Variants in GRAMD2B observed in about 807,000 individuals in gnomAD.
GRAMD2B encodes GRAM domain-containing protein 2B.
Under a neutral mutation model 59.2 loss-of-function variants are expected in GRAMD2B, and 41 were observed. The ratio of observed to expected loss-of-function variants is 0.69; its 90% CI spans 0.54 to 0.90. The LOEUF is 0.90. Ranked by LOEUF, GRAMD2B falls within the 40% of genes least tolerant of loss-of-function variation. The pLI is 0.00. For synonymous variants in GRAMD2B, 161 were observed against 182.7 expected, an observed-to-expected ratio of 0.88 and a Z score of 0.96; for missense variants, 424 against 500.5, an observed-to-expected ratio of 0.85 and a Z score of 1.46.
intron 2 of GRAMD2B, among the ~76,000 whole-genome samples, chr5:126,468,934 T>C (rs1264684828): frequency 6.6e-6 from 1 of 152,200 alleles, no homozygotes; most frequent in Non-Finnish European, 1.5e-5. Flanking sequence ...GCCTTAAGGA[T>C]ACAAACTGTG....
At chr5:126,426,956 T>C (rs1390155284) in intron 1 of GRAMD2B, among the ~76,000 whole-genome samples, 1 of 152,228 alleles carries the variant, frequency 6.6e-6, no homozygotes, top group Non-Finnish European at 1.5e-5. Flanking sequence ...ACTTTAGCTG[T>C]ATATTTCCTT....
rs532895630 is a variant in GRAMD2B, at chr5:126,473,542, A to G, written c.486+174A>G. On this transcript the variant is annotated intron_variant, in intron 5 of 13. Transcript: ENST00000285689. ...TGCATTCTAAATGCCTCCAGAAGAC[A>G]CTAACTTCCCTTTTTCCCTAAACAT... Among the ~76,000 whole-genome samples the G allele has an allele frequency of 3.6e-4, 55 of 152,272 alleles. 1 individual carries two copies. The South Asian group carries it at 8.1e-3, about 22-fold the overall frequency.
At chr5:126,389,003 G>A (rs1406844578) in intron 1 of GRAMD2B, among the ~76,000 whole-genome samples, 3 of 152,026 alleles carry the variant, frequency 2.0e-5, no homozygotes, top group Non-Finnish European at 2.9e-5. Flanking sequence ...CTCCTAAATC[G>A]ATAAAAATCT....
At chr5:126,371,448 G>C (rs1303601203) in exon 1 of GRAMD2B, 1 of 1,288,014 alleles carries the variant, frequency 7.8e-7, no homozygotes, top group Admixed American at 2.3e-5. Context: ...GCACAATGGT[G>C]AAGAAAAGGC....
At chr5:126,397,049 ATT>A (rs1241160615) in intron 1 of GRAMD2B, among the ~76,000 whole-genome samples, 2 of 152,024 alleles carry the variant, frequency 1.3e-5, no homozygotes, top group African/African-American at 2.4e-5. Flanking sequence ...TTTCTTGTAA[ATT>A]TAAGTTCCTT....
Position 126,477,590 on chromosome 5 carries a change from T to C in GRAMD2B, c.487-102T>C, listed in dbSNP as rs936470560. The C allele has an allele frequency of 6.8e-5, 53 of 776,586 alleles. 1 individual carries two copies. The highest frequency in any genetic ancestry group is 2.7e-5 in the Non-Finnish European group (12 of 436,616). The allele number at this position is 776,586 out of a possible 1,614,324, so 48.1% of individuals were successfully genotyped here. ...AGGCTGGAGAGCTTGCTGCTGGTTT[T>C]GATTTCTGTTTACCTTTTTTTTCTT... On this transcript the variant is annotated intron_variant, in intron 5 of 13. Coordinates refer to ENST00000285689, the MANE Select transcript of GRAMD2B (RefSeq NM_023927.4).
At chr5:126,468,018 A>AT (rs911505345) in intron 2 of GRAMD2B, among the ~76,000 whole-genome samples, 6 of 152,062 alleles carry the variant, frequency 3.9e-5, no homozygotes, top group African/African-American at 9.7e-5. Flanking sequence ...CTTTGAACCA[A>AT]TTTTTTTTAA....
At chr5:126,384,962 G>T (rs1755991191) in intron 1 of GRAMD2B, among the ~76,000 whole-genome samples, 1 of 152,296 alleles carries the variant, frequency 6.6e-6, no homozygotes, top group Non-Finnish European at 1.5e-5. Context: ...GCTGCCTTTT[G>T]TTTCTAACCG....
upstream of GRAMD2B, among the ~76,000 whole-genome samples, chr5:126,370,062 C>T (rs1274794054): frequency 6.6e-6 from 1 of 152,184 alleles, no homozygotes; most frequent in East Asian, 1.9e-4. Context: ...GGGGGCGGTG[C>T]ACCTTCAGAA....
chr5:126,434,748 A>C (rs892703152), intron 1 of GRAMD2B, among the ~76,000 whole-genome samples: 3 of 152,066 alleles, frequency 2.0e-5, no homozygotes, highest in African/African-American at 7.2e-5. Flanking sequence ...CGATCTCCTG[A>C]CCTTGTGATC....
chr5:126,465,190 CCA>C lies in GRAMD2B; in HGVS notation c.84-231_84-230del, dbSNP rs566685439. ...AGCACAGACCTGGGAGCCAGCAAGT[CCA>C]CACAGTCTGGCATTTACAAGTGAAA... On this transcript the variant is annotated intron_variant, in intron 1 of 13. Coordinates refer to ENST00000285689, the MANE Select transcript of GRAMD2B (RefSeq NM_023927.4). The C allele has an allele frequency of 7.3e-6, 10 of 1,373,674 alleles. No individual in the cohort carries two copies. In the East Asian group the frequency reaches 1.2e-4, roughly 16 times the overall value. 85.1% of individuals were successfully genotyped at this position (1,373,674 alleles called of 1,614,324 possible).
At chr5:126,375,380 T>C (rs534897137) in intron 1 of GRAMD2B, among the ~76,000 whole-genome samples, 1 of 152,180 alleles carries the variant, frequency 6.6e-6, no homozygotes, top group East Asian at 1.9e-4. Context: ...TTTTGTTTTT[T>C]TTTTTCGAGA....
chr5:126,465,201 G>A, intron 1 of GRAMD2B: 2 of 1,392,164 alleles, frequency 1.4e-6, no homozygotes, highest in South Asian at 1.5e-5. Context: ...CACACAGTCT[G>A]GCATTTACAA....
At position 126,413,519 on chromosome 5, in the gene GRAMD2B, G is replaced by A. The variant is rs556639999; in HGVS notation, c.125+41952G>A. Among the ~76,000 whole-genome samples the A allele has an allele frequency of 2.0e-5, 3 of 152,030 alleles. No homozygotes were observed. The South Asian group carries it at 6.2e-4, about 32-fold the overall frequency. On this transcript the variant is annotated intron_variant, in intron 1 of 8. Transcript: ENST00000506445. ...ATTTATTGAGACTGAACATGAGATT[G>A]AACATGTGATCAATCCTGAAGTATG... is the stretch of plus-strand genomic sequence containing the variant.
chr5:126,378,241 A>T (rs1317211532), intron 1 of GRAMD2B, among the ~76,000 whole-genome samples: 1 of 152,230 alleles, frequency 6.6e-6, no homozygotes, highest in Non-Finnish European at 1.5e-5. Flanking sequence ...AAAAAAAACT[A>T]AACCACCTTC....
chr5:126,386,985 T>A (rs1033772208), intron 1 of GRAMD2B, among the ~76,000 whole-genome samples: 4 of 152,204 alleles, frequency 2.6e-5, no homozygotes, highest in Non-Finnish European at 4.4e-5. Context: ...TATTCTTTTA[T>A]AACCTAGTGA....
intron 1 of GRAMD2B, among the ~76,000 whole-genome samples, chr5:126,417,291 G>A (rs557153665): frequency 1.3e-5 from 2 of 152,160 alleles, no homozygotes; most frequent in African/African-American, 2.4e-5. Context: ...TTCTACCTTG[G>A]TGTTATAGGA....
rs534314790 is a variant in GRAMD2B at position 126,383,971 on chromosome 5, G to T, written c.125+12404G>T. On this transcript the variant is annotated intron_variant, in intron 1 of 8. Coordinates refer to the GRAMD2B transcript ENST00000506445. ...CTGTGGGCTTAAATGTTCTAATGCT[G>T]GTTGTGACTGTTATAGGACAACGAG... is the stretch of plus-strand genomic sequence containing the variant. Among the ~76,000 whole-genome samples, 4 of 152,158 alleles carry T rather than the reference G, an allele frequency of 2.6e-5. No homozygotes were observed. In the East Asian group the frequency reaches 5.8e-4, roughly 22 times the overall value.
At chr5:126,438,013 C>T (rs1347247718) in intron 1 of GRAMD2B, among the ~76,000 whole-genome samples, 1 of 152,192 alleles carries the variant, frequency 6.6e-6, no homozygotes, top group Non-Finnish European at 1.5e-5. Flanking sequence ...ATGGCATCCT[C>T]ACGTCCCCAT....
Sources: gnomAD v4.1 joint callset for allele counts (sites outside exome capture counted in the v4.1 genomes callset) on GRCh38, gnomAD v4.1.1 for gene constraint, MANE v1.5 for transcripts, NCBI Gene and HGNC (gene_info 2026-07-23, HGNC 2026-07-21) for gene names.